Variants in LINGO1 observed in about 807,000 individuals in gnomAD.
LINGO1 encodes leucine-rich repeat and immunoglobulin-like domain-containing nogo receptor-interacting protein 1.
In LINGO1, 11 loss-of-function variants were observed where a neutral mutation model predicts 37.3. The observed-to-expected ratio is 0.29, with a 90% CI of 0.19 to 0.49. LINGO1 has a LOEUF of 0.49. LINGO1 is among the 20% of genes least tolerant of loss of function. The pLI is 0.99. For missense variants in LINGO1, 585 were observed against 878.2 expected (o/e 0.67, Z 4.22); for synonymous variants, 387 against 403.0 (o/e 0.96, Z 0.48).
At chr15:77,633,508 G>A (rs1015014487), upstream of LINGO1, among the ~76,000 whole-genome samples, 2 of 152,236 alleles carry the variant, frequency 1.3e-5, no homozygotes, top group African/African-American at 4.8e-5. Context: ...GGGAGGGCGA[G>A]GCAGGCAGAA....
chr15:77,781,333 C>A lies in LINGO1; in HGVS notation c.-257+5536G>T, dbSNP rs571149974. 1.5e-3 allele frequency among the ~76,000 whole-genome samples: 227 copies of A among 152,322 alleles called. 6 individuals are homozygous for A. The South Asian group carries it at 0.02, about 13-fold the overall frequency. ...TCAATGTGCAAAAGCCTCCCTCTCA[C>A]CCAGCTCCCACGCCGAAGGAGGCTG... On this transcript the variant is annotated intron_variant, in intron 1 of 3. Transcript: ENST00000561686.
rs1422533276 is a variant in LINGO1 at position 77,614,179 on chromosome 15, C to G, written c.1728G>C (p.Leu576=). 4.3e-6 allele frequency: 7 copies of G among 1,614,020 alleles called. No homozygotes were observed. The highest frequency in any genetic ancestry group is 5.9e-6 in the Non-Finnish European group (7 of 1,179,894). ...CCCGGCTCCAGAGAAACAGCAGCAC[C>G]AGGCAGAAGAGGACGACGCCCAGGA... ...ISFLGVVLFC[L]VLLFLWSRGK... The change falls in exon 2 of 2, where the codon CTG becomes CTC. Residue 576 remains leucine, a synonymous_variant. Coordinates refer to ENST00000355300, the MANE Select transcript of LINGO1 (RefSeq NM_032808.7).
rs1485212749 is a variant in LINGO1, at chr15:77,614,043, C to T, written c.*1G>A. The T allele has an allele frequency of 1.3e-6, 2 of 1,573,366 alleles. No individual in the cohort carries two copies. Among genetic ancestry groups the T allele is most frequent in the African/African-American group, 2.7e-5 (2 of 74,074 alleles). On this transcript the variant is annotated 3_prime_UTR_variant, in exon 2 of 2. Coordinates refer to ENST00000355300, the MANE Select transcript of LINGO1 (RefSeq NM_032808.7). ...GGGGGTCCCTGCCCCCCGCCCCGGC[C>T]TCATATCATCTTCATGTTGAACTTG...
chr15:77,794,452 ATATGTG>A (rs2076850525), intron 2 of LINGO1, among the ~76,000 whole-genome samples: 1 of 72,404 alleles, frequency 1.4e-5, no homozygotes, highest in Non-Finnish European at 2.7e-5. Flanking sequence ...ATATACGTAT[ATATGTG>A]TATATACATA....
chr15:77,634,194 A>G (rs9972481), upstream of LINGO1: 56,297 of 454,350 alleles, frequency 0.12, 8,878 homozygotes, highest in African/African-American at 0.55. Flanking sequence ...CCTGGTTGCC[A>G]CGGAGGGACC....
chr15:77,647,809 T>C (rs1167170366), intron 3 of LINGO1: 2 of 455,302 alleles, frequency 4.4e-6, no homozygotes, highest in Admixed American at 4.7e-5. Context: ...TCTCTCTCAT[T>C]GTTCCCTTTA....
At chr15:77,693,286 C>T (rs1231238074) in intron 1 of LINGO1, among the ~76,000 whole-genome samples, 4 of 152,314 alleles carry the variant, frequency 2.6e-5, no homozygotes, top group Non-Finnish European at 5.9e-5. Context: ...CTCATGAGGA[C>T]AGGGGATACC....
chr15:77,644,414 C>A (rs568386662), intron 3 of LINGO1, among the ~76,000 whole-genome samples: 3 of 152,198 alleles, frequency 2.0e-5, no homozygotes, highest in Non-Finnish European at 4.4e-5. Flanking sequence ...TGAGCCTGCA[C>A]GGGAGGTGGT....
At chr15:77,746,703 A>C (rs1213820035) in intron 1 of LINGO1, among the ~76,000 whole-genome samples, 1 of 152,182 alleles carries the variant, frequency 6.6e-6, no homozygotes, top group Non-Finnish European at 1.5e-5. Flanking sequence ...TTGGCAGCAA[A>C]GCTAACATGA....
upstream of LINGO1, among the ~76,000 whole-genome samples, chr15:77,697,365 C>T (rs1192089300): frequency 6.6e-6 from 1 of 152,168 alleles, no homozygotes; most frequent in African/African-American, 2.4e-5. Context: ...GTTCAAAACC[C>T]CTTGCTGCAG....
chr15:77,801,456 G>A (rs184370302), intron 1 of LINGO1, among the ~76,000 whole-genome samples: 2 of 152,310 alleles, frequency 1.3e-5, no homozygotes, highest in Admixed American at 6.5e-5. Flanking sequence ...CCAAAAGGCT[G>A]GAGGACAGCA....
intron 1 of LINGO1, among the ~76,000 whole-genome samples, chr15:77,759,936 C>T (rs999937193): frequency 1.3e-5 from 2 of 152,272 alleles, no homozygotes; most frequent in Admixed American, 6.5e-5. Flanking sequence ...CAGGGCACTA[C>T]TGCTCACCTG....
intron 3 of LINGO1, among the ~76,000 whole-genome samples, chr15:77,660,504 G>C (rs975184037): frequency 2.0e-5 from 3 of 152,214 alleles, no homozygotes; most frequent in African/African-American, 7.2e-5. Context: ...GCAGATGCCT[G>C]ACATGGTTTG....
Position 77,613,242 on chromosome 15 carries a change from C to T in LINGO1, c.*802G>A, listed in dbSNP as rs1402432385. ...CAGAGGCTGGGGTGGGCCCCACCTC[C>T]AGCCCCTGGCTCTCTCCACTGACTG... On this transcript the variant is annotated 3_prime_UTR_variant, in exon 2 of 2. Coordinates refer to ENST00000355300, the MANE Select transcript of LINGO1 (RefSeq NM_032808.7). 4 of 152,198 alleles carry T rather than the reference C, an allele frequency of 2.6e-5. No individual in the cohort carries two copies. The highest frequency in any genetic ancestry group is 9.7e-5 in the African/African-American group (4 of 41,426). The allele number at this position is 152,198 out of a possible 1,614,324, so 9.4% of individuals were successfully genotyped here.
intron 1 of LINGO1, among the ~76,000 whole-genome samples, chr15:77,744,659 A>T (rs1282684899): frequency 2.0e-5 from 3 of 152,274 alleles, no homozygotes; most frequent in Non-Finnish European, 4.4e-5. Flanking sequence ...ACTGTGAGCT[A>T]GGTTCTATCA....
intron 1 of LINGO1, among the ~76,000 whole-genome samples, chr15:77,762,792 G>T (rs1055931087): frequency 3.3e-5 from 5 of 151,786 alleles, no homozygotes; most frequent in Non-Finnish European, 7.4e-5. Flanking sequence ...TTCCTCTTTG[G>T]GACCACCCGT....
chr15:77,819,875 G>A (rs1383184319), intron 1 of LINGO1, among the ~76,000 whole-genome samples: 2 of 150,184 alleles, frequency 1.3e-5, no homozygotes, highest in African/African-American at 4.9e-5. Context: ...CCGCGGCGCC[G>A]CCGCCCTTCT....
rs1596226207 is a variant in LINGO1 at position 77,782,518 on chromosome 15, G to C, written c.-257+4351C>G. Reference sequence around the variant, plus strand: ...AGAAGGTCCCCGATGCTGACCGAAGGCCCGATGCTCCACTTGCTTGGCTTA... The same window carrying C: ...AGAAGGTCCCCGATGCTGACCGAAGCCCCGATGCTCCACTTGCTTGGCTTA... On this transcript the variant is annotated intron_variant, in intron 1 of 3. Coordinates refer to the LINGO1 transcript ENST00000561686. Among the ~76,000 whole-genome samples, 5 of 152,254 alleles carry C rather than the reference G, an allele frequency of 3.3e-5. 1 individual carries two copies. In the South Asian group the frequency reaches 1.0e-3, roughly 32 times the overall value.
chr15:77,817,069 G>A (rs568908779), intron 1 of LINGO1, among the ~76,000 whole-genome samples: 19 of 152,306 alleles, frequency 1.2e-4, no homozygotes, highest in African/African-American at 4.6e-4. Flanking sequence ...GAGAGAGGCC[G>A]CCCGGGACGG....
Sources: gnomAD v4.1 joint callset for allele counts (sites outside exome capture counted in the v4.1 genomes callset) on GRCh38, gnomAD v4.1.1 for gene constraint, MANE v1.5 for transcripts, NCBI Gene and HGNC (gene_info 2026-07-23, HGNC 2026-07-21) for gene names.